Variants in TMX3 observed in about 807,000 individuals in gnomAD.
The protein encoded by TMX3 is thioredoxin related transmembrane protein 3, also known as protein disulfide-isomerase TMX3.
Under a neutral mutation model 64.4 loss-of-function variants are expected in TMX3, and 40 were observed. The observed-to-expected ratio is 0.62, with a 90% CI of 0.48 to 0.81. TMX3 has a LOEUF of 0.81. TMX3 is among the 30% of genes least tolerant of loss of function. The pLI is 0.00. For synonymous variants in TMX3, 189 were observed against 175.7 expected (o/e 1.08, Z -0.60); for missense variants, 497 against 534.5 (o/e 0.93, Z 0.69).
chr18:68,697,755 G>A, intron 7 of TMX3, 177 bp downstream of exon 7: 1 of 523,870 alleles, frequency 1.9e-6, no homozygotes, highest in Non-Finnish European at 3.3e-6. Flanking sequence ...GTTTCATATA[G>A]GAAAACATGA....
At chr18:68,681,954 C>A (rs1394964797) in intron 13 of TMX3, among the ~76,000 whole-genome samples, 1 of 152,216 alleles carries the variant, frequency 6.6e-6, no homozygotes, top group Non-Finnish European at 1.5e-5. Context: ...CTGTGTTCTT[C>A]ATTCAGCTAA....
intron 10 of TMX3, chr18:68,686,825 A>G: frequency 1.0e-6 from 1 of 985,390 alleles, no homozygotes; most frequent in Non-Finnish European, 1.2e-6. Context: ...ATATCACTAG[A>G]CACAGAACAT....
chr18:68,683,080 A>G, intron 12 of TMX3, 99 bp from the exon 13 acceptor site: 1 of 1,140,222 alleles, frequency 8.8e-7, no homozygotes, highest in South Asian at 1.4e-5. Context: ...AAATAAAACA[A>G]TGAAGTTAAA....
rs1024556820 is a variant in TMX3 at position 68,680,965 on chromosome 18, G to T, written c.1035+16C>A. 6.4e-7 allele frequency: 1 copy of T among 1,563,488 alleles called. No homozygotes were observed. Among genetic ancestry groups the T allele is most frequent in the Non-Finnish European group, 8.6e-7 (1 of 1,156,730 alleles). On this transcript the variant is annotated intron_variant, in intron 14 of 15. Transcript: ENST00000299608. ...CCCTGTCCATCATCTCTTTGAAACA[G>T]AAGTGAACAACTTACTTCTACTGTG...
intron 3 of TMX3, among the ~76,000 whole-genome samples, chr18:68,710,768 T>A (rs1185313938): frequency 1.3e-5 from 2 of 152,210 alleles, no homozygotes; most frequent in African/African-American, 4.8e-5. Flanking sequence ...CAAGATTTTT[T>A]AACTTTATAC....
intron 10 of TMX3, among the ~76,000 whole-genome samples, chr18:68,685,876 C>T (rs1019664731): frequency 2.6e-5 from 4 of 152,028 alleles, no homozygotes; most frequent in South Asian, 2.1e-4. Context: ...TGGATGAATA[C>T]GAATTAACTG....
chr18:68,687,156 CTTA>C, intron 10 of TMX3: 1 of 984,070 alleles, frequency 1.0e-6, no homozygotes, highest in Non-Finnish European at 1.2e-6. Context: ...CAGTTAGCTT[CTTA>C]TTTTTATAGT....
intron 15 of TMX3, among the ~76,000 whole-genome samples, chr18:68,677,423 A>G (rs1362792558): frequency 6.6e-6 from 1 of 152,142 alleles, no homozygotes; most frequent in East Asian, 1.9e-4. Flanking sequence ...TATTAGCAAC[A>G]GAAAAAGGCA....
At chr18:68,682,269 GC>G in intron 13 of TMX3, among the ~76,000 whole-genome samples, 2 of 152,198 alleles carry the variant, frequency 1.3e-5, no homozygotes, top group South Asian at 4.1e-4. Context: ...GAATAGAGTG[GC>G]TTCTTGTTTC....
At chr18:68,689,561 T>C (rs1914312927) in intron 9 of TMX3, 1 of 152,114 alleles carries the variant, frequency 6.6e-6, no homozygotes, top group South Asian at 2.1e-4. Flanking sequence ...ATGGTAAGAA[T>C]AGTGATTTTA....
intron 4 of TMX3, among the ~76,000 whole-genome samples, chr18:68,708,380 T>A (rs2030935608): frequency 6.6e-6 from 1 of 152,092 alleles, no homozygotes; most frequent in South Asian, 2.1e-4. Context: ...GAAATGCACA[T>A]AAAATTAAAA....
Position 68,697,930 on chromosome 18 carries a change from A to C in TMX3, c.492+2T>G. 6.3e-7 allele frequency: 1 copy of C among 1,590,288 alleles called. No individual in the cohort carries two copies. The highest frequency in any genetic ancestry group is 1.3e-5 in the African/African-American group (1 of 74,524). ...TTTTTGTGGATTAAAAAAAAGTCTT[A>C]CTTTCAAAGGTGATTCTCCACCTAC... On this transcript the variant is annotated splice_donor_variant, in intron 7 of 15. Coordinates refer to ENST00000299608, the MANE Select transcript of TMX3 (RefSeq NM_019022.5). LOFTEE classifies it high-confidence loss of function.
At chr18:68,705,823 G>A (rs2030605234) in intron 4 of TMX3, among the ~76,000 whole-genome samples, 2 of 152,138 alleles carry the variant, frequency 1.3e-5, no homozygotes, top group South Asian at 4.1e-4. Context: ...AGTCATAATA[G>A]TTCAAATTTC....
chr18:68,676,003 A>G lies in TMX3; in HGVS notation c.*930T>C, dbSNP rs1912898316. 1 of 152,174 alleles carries G rather than the reference A, an allele frequency of 6.6e-6. No homozygotes were observed. The highest frequency in any genetic ancestry group is 1.5e-5 in the Non-Finnish European group (1 of 68,018). The allele number at this position is 152,174 out of a possible 1,614,324, so 9.4% of individuals were successfully genotyped here. A position where few individuals can be genotyped will look rare whatever the true frequency, so the allele number is the denominator to read the frequency against. Reference sequence around the variant, plus strand: ...TGTGTGTGTCTGTGGGTGCATACGTACGTATTCTAGAGTAGAAGTTACCAT... The same window carrying G: ...TGTGTGTGTCTGTGGGTGCATACGTGCGTATTCTAGAGTAGAAGTTACCAT... On this transcript the variant is annotated 3_prime_UTR_variant, in exon 16 of 16. Coordinates refer to ENST00000299608, the MANE Select transcript of TMX3 (RefSeq NM_019022.5).
intron 3 of TMX3, among the ~76,000 whole-genome samples, chr18:68,710,879 T>G (rs535960089): frequency 2.0e-5 from 3 of 152,342 alleles, no homozygotes; most frequent in Admixed American, 6.5e-5. Context: ...TTCTACTTTT[T>G]GCTGAGGCAT....
At chr18:68,686,573 G>C (rs145822106) in intron 10 of TMX3, 1 of 210,634 alleles carries the variant, frequency 4.7e-6, no homozygotes, top group East Asian at 1.9e-4. Context: ...GCTGGATGTG[G>C]TGGCGCATGC....
At chr18:68,706,813 C>T (rs1211065917) in intron 4 of TMX3, among the ~76,000 whole-genome samples, 1 of 152,182 alleles carries the variant, frequency 6.6e-6, no homozygotes. Context: ...CTCTGAAATT[C>T]ACAAGGCAAA....
At chr18:68,696,536 G>A (rs1173968871) in intron 8 of TMX3, among the ~76,000 whole-genome samples, 2 of 151,850 alleles carry the variant, frequency 1.3e-5, no homozygotes, top group East Asian at 1.9e-4. Context: ...GAGTGCAGTC[G>A]TGCAATCTTG....
At chr18:68,677,391 A>C (rs1417853915) in intron 15 of TMX3, among the ~76,000 whole-genome samples, 198 bp from the exon 16 acceptor site, 5 of 152,186 alleles carry the variant, frequency 3.3e-5, no homozygotes, top group African/African-American at 9.6e-5. Context: ...CACATACATA[A>C]GCATGTGTGT....
Sources: gnomAD v4.1 joint callset for allele counts (sites outside exome capture counted in the v4.1 genomes callset) on GRCh38, gnomAD v4.1.1 for gene constraint, MANE v1.5 for transcripts, NCBI Gene and HGNC (gene_info 2026-07-23, HGNC 2026-07-21) for gene names.